Variants in DPP6 observed in about 807,000 individuals in gnomAD.
DPP6 encodes the protein dipeptidyl peptidase like 6.
A neutral mutation model predicts 122.6 loss-of-function variants in DPP6; 69 were observed. That is an observed-to-expected ratio of 0.56 (90% CI 0.46 to 0.69). DPP6 has a LOEUF of 0.69. DPP6 is among the 30% of genes least tolerant of loss of function. The probability of loss-of-function intolerance (pLI) is 0.00; values close to 1 mark genes in which losing one functional copy is unlikely to be tolerated. For synonymous variants in DPP6, 418 were observed against 433.1 expected (o/e 0.97, Z 0.43); for missense variants, 928 against 1,116.9 (o/e 0.83, Z 2.41).
intron 5 of DPP6, among the ~76,000 whole-genome samples, chr7:154,626,730 A>T (rs909896253): frequency 6.6e-6 from 1 of 152,212 alleles, no homozygotes; most frequent in Non-Finnish European, 1.5e-5. Context: ...GAAAGAGCTG[A>T]GATATAAATA....
At chr7:154,121,430 G>C (rs4535644) in intron 1 of DPP6, among the ~76,000 whole-genome samples, 127,675 of 152,138 alleles carry the variant, frequency 0.84, 54,056 homozygotes, top group African/African-American at 0.95. Context: ...TCCAATTACT[G>C]TTTTTATTGC....
chr7:153,864,092 A>G, the DPP6 span, among the ~76,000 whole-genome samples: 226 of 152,262 alleles, frequency 1.5e-3, no homozygotes, highest in Middle Eastern at 6.8e-3. Context: ...TCTCTTGGGT[A>G]TATACTCAGG....
intron 16 of DPP6, among the ~76,000 whole-genome samples, chr7:154,843,248 G>A (rs1360902093): frequency 1.3e-5 from 2 of 152,212 alleles, no homozygotes; most frequent in Admixed American, 6.5e-5. Context: ...GTTGCAGTGA[G>A]CCCAGATAGT....
At chr7:154,572,510 C>CTTTTTTTTTTTT (rs77816407) in intron 5 of DPP6, among the ~76,000 whole-genome samples, 8 of 86,136 alleles carry the variant, frequency 9.3e-5, no homozygotes, top group Non-Finnish European at 1.3e-4. Flanking sequence ...TTTTTCTTTT[C>CTTTTTTTTTTTT]TTTTTTTTTT....
chr7:154,778,251 C>A (rs1448161923), intron 10 of DPP6, among the ~76,000 whole-genome samples: 1 of 152,068 alleles, frequency 6.6e-6, no homozygotes, highest in Non-Finnish European at 1.5e-5. Context: ...CTGTGAGCAC[C>A]ATGTGGAGAC....
At chr7:154,417,825 T>A (rs1817154543) in intron 1 of DPP6, among the ~76,000 whole-genome samples, 1 of 152,224 alleles carries the variant, frequency 6.6e-6, no homozygotes, top group African/African-American at 2.4e-5. Context: ...GCCTCTTGCC[T>A]AAACTCTTCA....
the DPP6 span, among the ~76,000 whole-genome samples, chr7:153,810,709 T>A: frequency 7.7e-6 from 1 of 129,832 alleles, no homozygotes; most frequent in Non-Finnish European, 1.7e-5. Context: ...TCTCTCTCTC[T>A]CTCTCAGTAA....
intron 1 of DPP6, among the ~76,000 whole-genome samples, chr7:154,384,700 T>C (rs1240515020): frequency 1.3e-5 from 2 of 151,654 alleles, no homozygotes; most frequent in African/African-American, 4.8e-5. Flanking sequence ...ACACTTTGGC[T>C]CATGTCTAAG....
intron 7 of DPP6, among the ~76,000 whole-genome samples, chr7:154,689,294 G>A (rs888369161): frequency 6.6e-6 from 1 of 152,196 alleles, no homozygotes; most frequent in Admixed American, 6.5e-5. Flanking sequence ...CGATTTATTT[G>A]GGAATGACCT....
intron 5 of DPP6, among the ~76,000 whole-genome samples, chr7:154,589,667 T>C (rs1449031947): frequency 6.6e-6 from 1 of 152,206 alleles, no homozygotes; most frequent in Non-Finnish European, 1.5e-5. Flanking sequence ...TAAAATTACA[T>C]AGGCCATATG....
At chr7:154,608,432 A>G (rs1833708380) in intron 5 of DPP6, among the ~76,000 whole-genome samples, 1 of 149,366 alleles carries the variant, frequency 6.7e-6, no homozygotes, top group African/African-American at 2.5e-5. Context: ...GGTTCAAAGG[A>G]TTCTCCTGCC....
intron 5 of DPP6, among the ~76,000 whole-genome samples, chr7:154,633,177 T>C (rs901654623): frequency 1.3e-5 from 2 of 152,298 alleles, no homozygotes; most frequent in East Asian, 1.9e-4. Context: ...TTCCAATCTT[T>C]GTATTTTTTA....
At chr7:153,885,070 G>C (rs1337785212), upstream of DPP6, among the ~76,000 whole-genome samples, 3 of 141,340 alleles carry the variant, frequency 2.1e-5, no homozygotes, top group Non-Finnish European at 3.0e-5. Flanking sequence ...TGATGGGATG[G>C]GAAAAGGCAG....
intron 1 of DPP6, among the ~76,000 whole-genome samples, chr7:154,038,081 A>G (rs1413066317): frequency 2.1e-5 from 3 of 145,576 alleles, no homozygotes; most frequent in Non-Finnish European, 4.4e-5. Context: ...GATTCTCTAA[A>G]CTGATTTCAG....
At chr7:154,430,423 G>A (rs937234630) in intron 1 of DPP6, among the ~76,000 whole-genome samples, 6 of 152,158 alleles carry the variant, frequency 3.9e-5, no homozygotes, top group African/African-American at 1.2e-4. Flanking sequence ...TGCTGGCGTG[G>A]TCAGGTCTGG....
At chr7:154,085,006 A>AAAAC (rs1554457754) in intron 1 of DPP6, among the ~76,000 whole-genome samples, 1 of 151,602 alleles carries the variant, frequency 6.6e-6, no homozygotes, top group African/African-American at 2.4e-5. Flanking sequence ...AAAAAAAAAA[A>AAAAC]AAAAACAGGT....
intron 1 of DPP6, among the ~76,000 whole-genome samples, chr7:154,185,842 T>C (rs1288430501): frequency 1.3e-5 from 2 of 152,244 alleles, no homozygotes; most frequent in African/African-American, 4.8e-5. Context: ...TGAAATTACT[T>C]CTTAAGCAAG....
chr7:153,889,052 G>T (rs2128992482), intron 1 of DPP6, among the ~76,000 whole-genome samples: 1 of 152,312 alleles, frequency 6.6e-6, no homozygotes, highest in Non-Finnish European at 1.5e-5. Context: ...AAGCGCCGTG[G>T]GTTCAGAACT....
At position 154,821,659 on chromosome 7, in the gene DPP6, TATATACACATATATATATACAC is replaced by T. The variant is rs1799787693; in HGVS notation, c.1666+14549_1666+14570del. Among the ~76,000 whole-genome samples, 10 of 143,854 alleles carry T rather than the reference TATATACACATATATATATACAC, an allele frequency of 7.0e-5. No individual in the cohort carries two copies. Among genetic ancestry groups the T allele is most frequent in the African/African-American group, 1.1e-4 (4 of 37,138 alleles). The allele number at this position is 143,854 out of a possible 152,430, so 94.4% of individuals were successfully genotyped here. A position where few individuals can be genotyped will look rare whatever the true frequency, so the allele number is the denominator to read the frequency against. On this transcript the variant is annotated intron_variant, in intron 16 of 25. Transcript: ENST00000377770. The surrounding 1 kb of genome is among the most constrained non-coding windows in gnomAD (Gnocchi z 4.2). ...ATATATATATATACACATATATATA[TATATACACATATATATATACAC>T]ACACATATATATATACACACACACA...
Sources: gnomAD v4.1 joint callset for allele counts (sites outside exome capture counted in the v4.1 genomes callset) on GRCh38, gnomAD v4.1.1 for gene constraint, Gnocchi (gnomAD v3.1) non-coding constraint, MANE v1.5 for transcripts, NCBI Gene and HGNC (gene_info 2026-07-23, HGNC 2026-07-21) for gene names.